The following ASIC2 variants were observed in gnomAD, a reference collection of about 807,000 sequenced individuals.
The protein encoded by ASIC2 is acid sensing ion channel subunit 2, also known as acid-sensing ion channel 2.
ASIC2 carries 25 observed loss-of-function variants against 57.3 expected under a neutral mutation model. That is an observed-to-expected ratio of 0.44 (90% CI 0.32 to 0.61). ASIC2 has a LOEUF of 0.61. ASIC2 is among the 20% of genes least tolerant of loss of function. The probability of loss-of-function intolerance (pLI) is 0.06; values close to 1 mark genes in which losing one functional copy is unlikely to be tolerated. For synonymous variants in ASIC2, 319 were observed against 307.5 expected (o/e 1.04, Z -0.39); for missense variants, 641 against 738.1 (o/e 0.87, Z 1.52).
chr17:33,461,236 C>G, intron 1 of ASIC2, among the ~76,000 whole-genome samples: 1 of 152,186 alleles, frequency 6.6e-6, no homozygotes, highest in East Asian at 1.9e-4. Context: ...CTTAACATTC[C>G]TTTACGTTTA....
intron 1 of ASIC2, among the ~76,000 whole-genome samples, chr17:33,127,477 C>T (rs1051319216): frequency 2.0e-5 from 3 of 152,180 alleles, no homozygotes; most frequent in Non-Finnish European, 2.9e-5. Flanking sequence ...CCGTCCTAGA[C>T]ATGGCAGAGG....
intron 1 of ASIC2, among the ~76,000 whole-genome samples, chr17:33,148,947 A>G (rs928329457): frequency 6.6e-6 from 1 of 152,136 alleles, no homozygotes; most frequent in Non-Finnish European, 1.5e-5. Context: ...TACAAAAATT[A>G]GCTGGGCATG....
At chr17:33,742,340 A>G (rs1227214548) in intron 1 of ASIC2, among the ~76,000 whole-genome samples, 1 of 151,508 alleles carries the variant, frequency 6.6e-6, no homozygotes. Flanking sequence ...CCTCCCTCTC[A>G]TTTTTTTTCT....
At chr17:33,407,041 A>G (rs560372560) in intron 1 of ASIC2, among the ~76,000 whole-genome samples, 1 of 152,328 alleles carries the variant, frequency 6.6e-6, no homozygotes, top group South Asian at 2.1e-4. Flanking sequence ...ACCATTTTCT[A>G]GCCATGTAAT....
At position 33,490,685 on chromosome 17, in the gene ASIC2, G is replaced by A. The variant is rs185766412; in HGVS notation, c.556-378618C>T. Among the ~76,000 whole-genome samples the A allele has an allele frequency of 2.5e-4, 38 of 152,282 alleles. 1 individual carries two copies. The highest frequency in any genetic ancestry group is 2.0e-3 in the Admixed American group (30 of 15,302). ...CTGATTGCGAGGCCTCCCCAGCCACGTGGAACTGTGAGTCAATTAAACCTC... is the reference window on the plus strand; with the variant it reads ...CTGATTGCGAGGCCTCCCCAGCCACATGGAACTGTGAGTCAATTAAACCTC... On this transcript the variant is annotated intron_variant, in intron 1 of 9. Coordinates refer to the ASIC2 transcript ENST00000359872.
chr17:34,119,630 C>A (rs5000216), intron 1 of ASIC2, among the ~76,000 whole-genome samples: 2 of 83,788 alleles, frequency 2.4e-5, no homozygotes, highest in Admixed American at 1.3e-4. Context: ...CACACACACA[C>A]ACACACACAC....
chr17:33,851,667 C>T (rs4795831), intron 1 of ASIC2, among the ~76,000 whole-genome samples: 25,364 of 152,146 alleles, frequency 0.17, 2,267 homozygotes, highest in African/African-American at 0.2. Flanking sequence ...TCTTATGCCT[C>T]GTAGGATATT....
chr17:33,401,032 GC>G (rs1462320735), intron 1 of ASIC2, among the ~76,000 whole-genome samples: 3 of 152,232 alleles, frequency 2.0e-5, no homozygotes, highest in Admixed American at 2.0e-4. Flanking sequence ...TCACTCAGGG[GC>G]CCAGGCTGAC....
At chr17:33,474,265 G>A (rs1913146510) in intron 1 of ASIC2, among the ~76,000 whole-genome samples, 1 of 152,212 alleles carries the variant, frequency 6.6e-6, no homozygotes, top group Non-Finnish European at 1.5e-5. Context: ...TACTCGGGAG[G>A]CTGAGACAGG....
intron 1 of ASIC2, among the ~76,000 whole-genome samples, chr17:33,378,044 G>A (rs1366640174): frequency 2.0e-5 from 3 of 152,344 alleles, no homozygotes; most frequent in East Asian, 1.9e-4. Flanking sequence ...GCACAAGGTG[G>A]CACTGGATAG....
rs571209241 is a variant in ASIC2, at chr17:33,824,127, G to A, written c.555+331851C>T. The stretch of plus-strand genomic sequence containing the variant: ...TTCTTATAAGGGAGAGGAGCAATGG[G>A]GATGGGCTTTTCCAAACTGGAGGTC... On this transcript the variant is annotated intron_variant, in intron 1 of 9. Coordinates refer to the ASIC2 transcript ENST00000359872. 1.9e-4 allele frequency among the ~76,000 whole-genome samples: 29 copies of A among 152,262 alleles called. No homozygotes were observed. In the South Asian group the frequency reaches 6.0e-3, roughly 32 times the overall value.
intron 1 of ASIC2, among the ~76,000 whole-genome samples, chr17:33,226,593 G>A (rs531907466): frequency 3.9e-5 from 6 of 152,238 alleles, no homozygotes; most frequent in Admixed American, 2.0e-4. Context: ...AAACCTTGGC[G>A]CAATTATATA....
At chr17:34,153,773 C>T (rs1167868380) in intron 1 of ASIC2, among the ~76,000 whole-genome samples, 1 of 152,210 alleles carries the variant, frequency 6.6e-6, no homozygotes, top group Non-Finnish European at 1.5e-5. Flanking sequence ...GGAATGGACA[C>T]TCAAATAGAT....
At chr17:33,533,311 G>C (rs1915114909) in intron 1 of ASIC2, 1 of 123,198 alleles carries the variant, frequency 8.1e-6, no homozygotes, top group African/African-American at 3.6e-5. Flanking sequence ...AGTAAAGAAA[G>C]AAAGAGCGAA....
intron 1 of ASIC2, among the ~76,000 whole-genome samples, chr17:33,667,702 A>G (rs749809852): frequency 6.6e-6 from 1 of 152,194 alleles, no homozygotes; most frequent in Non-Finnish European, 1.5e-5. Flanking sequence ...CAAATTTACT[A>G]GCTTACAGTC....
At chr17:33,726,132 C>T (rs919185088) in intron 1 of ASIC2, among the ~76,000 whole-genome samples, 1 of 152,168 alleles carries the variant, frequency 6.6e-6, no homozygotes, top group African/African-American at 2.4e-5. Context: ...ATTTTGTGCT[C>T]TTTGGGACCC....
chr17:33,373,964 C>G (rs1346362869), intron 1 of ASIC2, among the ~76,000 whole-genome samples: 1 of 152,032 alleles, frequency 6.6e-6, no homozygotes, highest in Non-Finnish European at 1.5e-5. Flanking sequence ...AGGCATGAAC[C>G]ACTGCGCCCT....
intron 1 of ASIC2, among the ~76,000 whole-genome samples, chr17:34,030,729 G>C (rs1907573192): frequency 6.6e-6 from 1 of 152,218 alleles, no homozygotes; most frequent in Non-Finnish European, 1.5e-5. Flanking sequence ...GGCTTGGAGG[G>C]TCCTATGCCC....
At chr17:33,986,051 G>A (rs943895776) in intron 1 of ASIC2, among the ~76,000 whole-genome samples, 1 of 152,018 alleles carries the variant, frequency 6.6e-6, no homozygotes, top group Non-Finnish European at 1.5e-5. Flanking sequence ...TCTTGCCCCT[G>A]GCATTTGCAA....
Sources: gnomAD v4.1 joint callset for allele counts (sites outside exome capture counted in the v4.1 genomes callset) on GRCh38, gnomAD v4.1.1 for gene constraint, MANE v1.5 for transcripts, NCBI Gene and HGNC (gene_info 2026-07-23, HGNC 2026-07-21) for gene names.